TRAPPC9: variants seen among roughly 807,000 people sequenced by gnomAD.
TRAPPC9 encodes IKK2 binding protein.
Under a neutral mutation model 124.0 loss-of-function variants are expected in TRAPPC9, and 83 were observed. The ratio of observed to expected loss-of-function variants is 0.67; its 90% CI spans 0.56 to 0.80. The LOEUF (loss-of-function observed/expected upper bound fraction) is 0.80, where lower values mean the gene tolerates loss of function less well. Among genes scored for constraint, TRAPPC9 ranks in the 30% least tolerant of loss-of-function variants. TRAPPC9 has a pLI of 0.00. For missense variants in TRAPPC9, 1,302 were observed against 1,508.3 expected, an observed-to-expected ratio of 0.86 and a Z score of 2.27; for synonymous variants, 638 against 617.5, an observed-to-expected ratio of 1.03 and a Z score of -0.49.
At chr8:140,016,986 T>C (rs1023924255) in intron 18 of TRAPPC9, among the ~76,000 whole-genome samples, 8 of 152,180 alleles carry the variant, frequency 5.3e-5, no homozygotes, top group African/African-American at 1.9e-4. Flanking sequence ...GCCATTCTAG[T>C]GGGTATATAG....
At chr8:139,824,580 C>A (rs1420735192) in intron 21 of TRAPPC9, among the ~76,000 whole-genome samples, 1 of 152,030 alleles carries the variant, frequency 6.6e-6, no homozygotes, top group Non-Finnish European at 1.5e-5. Flanking sequence ...TATCTTTTGG[C>A]GACAGATTCT....
At chr8:140,407,954 A>G (rs1398406969) in intron 5 of TRAPPC9, among the ~76,000 whole-genome samples, 1 of 152,212 alleles carries the variant, frequency 6.6e-6, no homozygotes, top group African/African-American at 2.4e-5. Context: ...AGGCTAGAGG[A>G]AAAATTTCTA....
chr8:139,862,046 A>G (rs535130190), intron 21 of TRAPPC9, among the ~76,000 whole-genome samples: 2 of 152,396 alleles, frequency 1.3e-5, no homozygotes, highest in South Asian at 4.1e-4. Context: ...TTTGCTAGGC[A>G]GATACAATGT....
At chr8:140,048,810 G>A (rs528369213) in intron 17 of TRAPPC9, among the ~76,000 whole-genome samples, 1 of 152,076 alleles carries the variant, frequency 6.6e-6, no homozygotes, top group Non-Finnish European at 1.5e-5. Flanking sequence ...GCAGGCCCAG[G>A]GCTGCTCTTA....
chr8:140,081,167 A>T (rs538106082), intron 17 of TRAPPC9, among the ~76,000 whole-genome samples: 1 of 152,218 alleles, frequency 6.6e-6, no homozygotes, highest in South Asian at 2.1e-4. Flanking sequence ...CTCCTTCCTC[A>T]GCAGCACACT....
chr8:139,970,206 C>T (rs941946478), intron 19 of TRAPPC9, among the ~76,000 whole-genome samples: 5 of 152,184 alleles, frequency 3.3e-5, no homozygotes, highest in South Asian at 4.1e-4. Flanking sequence ...GAGAAGGAGC[C>T]GGGCATCAGG....
At chr8:139,996,816 T>C (rs1356717888) in intron 18 of TRAPPC9, among the ~76,000 whole-genome samples, 2 of 152,168 alleles carry the variant, frequency 1.3e-5, no homozygotes, top group Non-Finnish European at 2.9e-5. Context: ...CTCGGCTCAT[T>C]GCAACCTCTG....
At chr8:140,159,603 A>G (rs2130881053) in intron 17 of TRAPPC9, among the ~76,000 whole-genome samples, 1 of 152,324 alleles carries the variant, frequency 6.6e-6, no homozygotes, top group East Asian at 1.9e-4. Flanking sequence ...ATCTCATCCA[A>G]ATCATTTAGC....
chr8:140,077,935 T>A (rs575044646), intron 17 of TRAPPC9, among the ~76,000 whole-genome samples: 1 of 152,274 alleles, frequency 6.6e-6, no homozygotes, highest in East Asian at 1.9e-4. Flanking sequence ...TGGAAAAACA[T>A]GACTTTCCTC....
intron 17 of TRAPPC9, among the ~76,000 whole-genome samples, chr8:140,072,474 C>T (rs549545032): frequency 1.0e-3 from 155 of 151,452 alleles, no homozygotes; most frequent in African/African-American, 3.3e-3. Flanking sequence ...GCCGAGACTG[C>T]GCCACTGCAC....
At chr8:140,338,748 C>T (rs2067112379) in intron 9 of TRAPPC9, among the ~76,000 whole-genome samples, 1 of 148,336 alleles carries the variant, frequency 6.7e-6, no homozygotes, top group African/African-American at 2.5e-5. Flanking sequence ...CCACCGCCAC[C>T]AGACGGCCAC....
At chr8:139,846,706 G>A (rs80107728) in intron 21 of TRAPPC9, among the ~76,000 whole-genome samples, 2,485 of 152,260 alleles carry the variant, frequency 0.016, 66 homozygotes, top group African/African-American at 0.055. Flanking sequence ...TGACAGACGC[G>A]AGGCCATCCC....
chr8:139,804,146 C>CCCA (rs1187877812), intron 21 of TRAPPC9, among the ~76,000 whole-genome samples: 118 of 129,282 alleles, frequency 9.1e-4, no homozygotes, highest in African/African-American at 2.9e-3. Flanking sequence ...CCCACCACCA[C>CCCA]CCACCACCAC....
chr8:140,139,206 A>C (rs2061347106), intron 17 of TRAPPC9, among the ~76,000 whole-genome samples: 1 of 151,680 alleles, frequency 6.6e-6, no homozygotes, highest in African/African-American at 2.4e-5. Context: ...GGTTCCTGCC[A>C]CTCCTGTTCC....
At chr8:140,116,862 CGG>C (rs1341128446) in intron 17 of TRAPPC9, among the ~76,000 whole-genome samples, 6 of 133,410 alleles carry the variant, frequency 4.5e-5, no homozygotes, top group African/African-American at 2.2e-4. Flanking sequence ...AGTAAGTAGG[CGG>C]AGTTCAGTGA....
At chr8:139,975,283 G>C (rs942007003) in intron 19 of TRAPPC9, among the ~76,000 whole-genome samples, 1 of 152,204 alleles carries the variant, frequency 6.6e-6, no homozygotes, top group Non-Finnish European at 1.5e-5. Context: ...TCCGCATTTC[G>C]CTAGCACACA....
intron 21 of TRAPPC9, among the ~76,000 whole-genome samples, chr8:139,787,312 G>A (rs917022265): frequency 2.6e-5 from 4 of 152,102 alleles, no homozygotes; most frequent in African/African-American, 4.8e-5. Context: ...GGAGGGGTGG[G>A]GGGCAGATGT....
At chr8:139,821,555 C>T (rs1825253928) in intron 21 of TRAPPC9, among the ~76,000 whole-genome samples, 1 of 152,236 alleles carries the variant, frequency 6.6e-6, no homozygotes, top group South Asian at 2.1e-4. Context: ...TGGAAAAGGT[C>T]CTACCCCAGG....
intron 21 of TRAPPC9, among the ~76,000 whole-genome samples, chr8:139,878,048 G>A (rs568283791): frequency 2.0e-5 from 3 of 152,234 alleles, no homozygotes; most frequent in South Asian, 2.1e-4. Context: ...TGAGGGAATC[G>A]CCCCAAAACA....
Sources: allele counts gnomAD v4.1 joint callset (sites outside exome capture counted in the v4.1 genomes callset), GRCh38; gene constraint gnomAD v4.1.1; transcripts MANE v1.5; gene names NCBI Gene and HGNC (gene_info 2026-07-23, HGNC 2026-07-21).